The following UBE3A variants were observed in gnomAD, a reference collection of about 807,000 sequenced individuals.
UBE3A encodes the protein ubiquitin-protein ligase E3A.
Under a neutral mutation model 83.4 loss-of-function variants are expected in UBE3A, and 6 were observed. The observed-to-expected ratio is 0.07, with a 90% CI of 0.04 to 0.14. UBE3A has a LOEUF of 0.14. Ranked by LOEUF, UBE3A falls within the 10% of genes least tolerant of loss-of-function variation. The pLI is 1.00. For synonymous variants in UBE3A, 337 were observed against 355.4 expected (o/e 0.95, Z 0.58); for missense variants, 456 against 1,036.1 (o/e 0.44, Z 7.69).
intron 11 of UBE3A, among the ~76,000 whole-genome samples, chr15:25,353,614 G>C (rs1042496066): frequency 6.6e-6 from 1 of 152,204 alleles, no homozygotes; most frequent in African/African-American, 2.4e-5. Flanking sequence ...AGATAGAGTT[G>C]ATATTCATTC....
intron 2 of UBE3A, among the ~76,000 whole-genome samples, chr15:25,411,008 T>C (rs1197972866): frequency 4.6e-5 from 7 of 152,196 alleles, no homozygotes; most frequent in Non-Finnish European, 7.4e-5. Flanking sequence ...AATTGACTAA[T>C]TGACCTCAAT....
At chr15:25,381,532 G>A (rs1169581569) in intron 4 of UBE3A, among the ~76,000 whole-genome samples, 1 of 152,310 alleles carries the variant, frequency 6.6e-6, no homozygotes, top group Non-Finnish European at 1.5e-5. Flanking sequence ...ACTGTAAGTA[G>A]AGTGACCTTT....
intron 4 of UBE3A, 127 bp from the exon 5 acceptor site, chr15:25,375,890 T>G (rs905022436): frequency 9.6e-7 from 1 of 1,041,940 alleles, no homozygotes; most frequent in African/African-American, 1.6e-5. Flanking sequence ...AGATGAGAAG[T>G]AGAAAATGGA....
At position 25,354,529 on chromosome 15, in the gene UBE3A, C is replaced by T. The variant is rs761011538; in HGVS notation, c.2279G>A (p.Arg760Gln). 9.3e-6 allele frequency: 15 copies of T among 1,613,784 alleles called. No individual in the cohort carries two copies. The highest frequency in any genetic ancestry group is 4.5e-5 in the East Asian group (2 of 44,852). ...EEIELLICGS[R>Q]NLDFQALEET... ...TTTTGCAGACACCTGCTTTCTTACC[C>T]GGCTTCCACATATAAGCAATTCAAT... Residue 760 changes from arginine (R) to glutamine (Q), a missense_variant and splice_region_variant, in exon 10 of 13, where the codon CGG (arginine) becomes CAG (glutamine). Arg to Gln is a conservative substitution (Grantham distance 43). Around this residue, in one of 13 missense-constraint regions of UBE3A, gnomAD observed 82 missense variants for 199.3 expected, o/e 0.41. Coordinates refer to ENST00000648336, the MANE Select transcript of UBE3A (RefSeq NM_130839.5).
intron 1 of UBE3A, chr15:25,413,058 G>C: frequency 2.2e-6 from 1 of 446,310 alleles, no homozygotes; most frequent in Non-Finnish European, 4.5e-6. Context: ...CAAATTATGA[G>C]TTAGGAACAC....
chr15:25,377,792 A>T (rs551707767), intron 4 of UBE3A, among the ~76,000 whole-genome samples: 1 of 152,330 alleles, frequency 6.6e-6, no homozygotes, highest in South Asian at 2.1e-4. Context: ...AAGATTACTT[A>T]AATGAACTGA....
intron 11 of UBE3A, among the ~76,000 whole-genome samples, chr15:25,349,594 G>C (rs2076204960): frequency 6.6e-6 from 1 of 152,044 alleles, no homozygotes; most frequent in African/African-American, 2.4e-5. Context: ...ACTGAACCCT[G>C]TATATACTAT....
intron 11 of UBE3A, among the ~76,000 whole-genome samples, chr15:25,347,492 G>T (rs2075865371): frequency 6.6e-6 from 1 of 152,136 alleles, no homozygotes; most frequent in Non-Finnish European, 1.5e-5. Flanking sequence ...ACAAGGTCAA[G>T]AGTTCGAGAC....
chr15:25,350,131 C>T (rs2152622441), intron 11 of UBE3A, among the ~76,000 whole-genome samples: 1 of 152,130 alleles, frequency 6.6e-6, no homozygotes, highest in African/African-American at 2.4e-5. Context: ...AAATTAGCTG[C>T]ACACCTGTAG....
At chr15:25,342,561 T>G (rs1456997825) in intron 11 of UBE3A, among the ~76,000 whole-genome samples, 8 of 152,152 alleles carry the variant, frequency 5.3e-5, no homozygotes, top group African/African-American at 1.9e-4. Flanking sequence ...GCTTCCAGGT[T>G]TCCACATAAA....
At chr15:25,386,728 G>C (rs1017492191) in intron 4 of UBE3A, among the ~76,000 whole-genome samples, 2 of 150,452 alleles carry the variant, frequency 1.3e-5, no homozygotes, top group African/African-American at 2.4e-5. Context: ...CTTACCTGTA[G>C]AGGAAAAAAA....
At chr15:25,372,125 A>T (rs2080396731) in intron 5 of UBE3A, among the ~76,000 whole-genome samples, 2 of 152,196 alleles carry the variant, frequency 1.3e-5, no homozygotes, top group Non-Finnish European at 2.9e-5. Flanking sequence ...GTATAGCTTT[A>T]ATTATAAATA....
intron 11 of UBE3A, among the ~76,000 whole-genome samples, chr15:25,340,902 A>G (rs1003981471): frequency 1.3e-4 from 20 of 152,138 alleles, no homozygotes; most frequent in Admixed American, 1.2e-3. Flanking sequence ...TAAGAGAATG[A>G]TTTATCCTGT....
At chr15:25,384,284 CCT>C (rs1201626071) in intron 4 of UBE3A, among the ~76,000 whole-genome samples, 1 of 151,740 alleles carries the variant, frequency 6.6e-6, no homozygotes, top group Non-Finnish European at 1.5e-5. Flanking sequence ...ATGGTGAAAC[CCT>C]GTCTCTACTA....
At chr15:25,353,681 G>C (rs952715918) in intron 11 of UBE3A, among the ~76,000 whole-genome samples, 6 of 152,180 alleles carry the variant, frequency 3.9e-5, no homozygotes, top group African/African-American at 1.4e-4. Context: ...CTTCCAGGAA[G>C]GTACGTGTTT....
chr15:25,421,528 A>C (rs1484992304), intron 1 of UBE3A, among the ~76,000 whole-genome samples: 1 of 152,200 alleles, frequency 6.6e-6, no homozygotes, highest in Non-Finnish European at 1.5e-5. Flanking sequence ...TTCACATATG[A>C]AGTAGAACAG....
chr15:25,341,109 G>A (rs997097142), intron 11 of UBE3A, among the ~76,000 whole-genome samples: 15 of 150,690 alleles, frequency 1.0e-4, no homozygotes, highest in Admixed American at 6.0e-4. Context: ...TTGCTCTGTC[G>A]CTCAGGCTGG....
At chr15:25,434,392 A>G (rs888341711) in intron 1 of UBE3A, among the ~76,000 whole-genome samples, 1 of 152,142 alleles carries the variant, frequency 6.6e-6, no homozygotes, top group African/African-American at 2.4e-5. Flanking sequence ...ACACAGTGAG[A>G]CCCCCATCTC....
chr15:25,344,325 A>C (rs1222189609), intron 11 of UBE3A, among the ~76,000 whole-genome samples: 3 of 152,192 alleles, frequency 2.0e-5, no homozygotes, highest in Non-Finnish European at 2.9e-5. Context: ...CTCAGGATAC[A>C]CTAGGAAGAT....
Sources: gnomAD v4.1 joint callset for allele counts (sites outside exome capture counted in the v4.1 genomes callset) on GRCh38, gnomAD v4.1.1 for gene constraint, gnomAD v4.1.1 regional missense constraint, MANE v1.5 for transcripts, NCBI Gene and HGNC (gene_info 2026-07-23, HGNC 2026-07-21) for gene names.